Variants in KIAA1671 observed in about 807,000 individuals in gnomAD.
KIAA1671 encodes the protein KIAA1671.
KIAA1671 carries 52 observed loss-of-function variants against 131.2 expected under a neutral mutation model. That is an observed-to-expected ratio of 0.40 (90% CI 0.32 to 0.50). The LOEUF (loss-of-function observed/expected upper bound fraction) is 0.50. Among genes scored for constraint, KIAA1671 ranks in the 20% least tolerant of loss-of-function variants. The pLI, the probability that KIAA1671 is intolerant of heterozygous loss-of-function variation, is 0.73. For missense variants in KIAA1671, 2,360 were observed against 2,364.2 expected (o/e 1.00, Z 0.04); for synonymous variants, 1,003 against 961.6 (o/e 1.04, Z -0.80).
intron 5 of KIAA1671, among the ~76,000 whole-genome samples, chr22:25,041,983 ATCC>A (rs1345052614): frequency 6.6e-6 from 1 of 152,116 alleles, no homozygotes; most frequent in African/African-American, 2.4e-5. Flanking sequence ...GGCTCAAGTG[ATCC>A]TCCTGCCTCG....
intron 8 of KIAA1671, chr22:25,176,618 C>T (rs889182238): frequency 9.9e-5 from 15 of 152,228 alleles, no homozygotes; most frequent in African/African-American, 3.4e-4. Flanking sequence ...AGGATTCGAA[C>T]CCAGCAGGGT....
chr22:25,179,591 G>A (rs1368178971), intron 9 of KIAA1671: 3 of 1,324,120 alleles, frequency 2.3e-6, no homozygotes, highest in Non-Finnish European at 3.1e-6. Context: ...CCTGCCCAAT[G>A]CGTTGGCCTC....
intron 1 of KIAA1671, among the ~76,000 whole-genome samples, chr22:24,974,004 C>T (rs1922779116): frequency 6.6e-6 from 1 of 152,198 alleles, no homozygotes; most frequent in African/African-American, 2.4e-5. Flanking sequence ...TGCCCAGCTG[C>T]ACCTCCTTTG....
intron 6 of KIAA1671, chr22:25,058,457 G>A (rs2006738): frequency 0.74 from 113,016 of 152,064 alleles, 43,243 homozygotes; most frequent in African/African-American, 0.93. Context: ...CATGAGCCTG[G>A]CAATCTTGAA....
intron 6 of KIAA1671, chr22:25,111,911 T>G (rs968261434): frequency 2.3e-4 from 59 of 260,648 alleles, no homozygotes; most frequent in Non-Finnish European, 4.2e-4. Context: ...GTGTTGACTT[T>G]ATAACTCCGC....
At chr22:25,046,807 A>T (rs1384536891) in intron 5 of KIAA1671, among the ~76,000 whole-genome samples, 1 of 152,156 alleles carries the variant, frequency 6.6e-6, no homozygotes, top group East Asian at 1.9e-4. Flanking sequence ...ATCCTAAAAG[A>T]TATCAATGAC....
At chr22:25,103,203 C>A (rs528172498) in intron 6 of KIAA1671, among the ~76,000 whole-genome samples, 39 of 140,530 alleles carry the variant, frequency 2.8e-4, no homozygotes, top group South Asian at 1.6e-3. Context: ...CAAGTCCCCC[C>A]CCAACCGCCT....
In KIAA1671 at chr22:25,028,974, G is replaced by A; in HGVS notation, c.975G>A (p.Leu325=). ...GLERPRAASK[L]DRDCLVKAEA... is the part of the protein sequence containing the mutation. ...AGAGGCCCAGAGCAGCGTCCAAGCT[G>A]GACAGGGACTGTTTGGTCAAGGCGG... is the stretch of plus-strand genomic sequence containing the variant. The change falls in exon 3 of 13, where the codon CTG becomes CTA. Residue 325 remains leucine, a synonymous_variant. Coordinates refer to ENST00000358431, the MANE Select transcript of KIAA1671 (RefSeq NM_001145206.2). 2.6e-6 allele frequency: 4 copies of A among 1,538,210 alleles called. No individual in the cohort carries two copies. Among genetic ancestry groups the A allele is most frequent in the Non-Finnish European group, 3.5e-6 (4 of 1,141,044 alleles).
intron 6 of KIAA1671, among the ~76,000 whole-genome samples, chr22:25,070,948 C>T (rs1294622686): frequency 6.6e-6 from 1 of 152,208 alleles, no homozygotes; most frequent in African/African-American, 2.4e-5. Flanking sequence ...AAAACCAGAA[C>T]ATTTTCTGAT....
At position 25,028,461 on chromosome 22, in the gene KIAA1671, C is replaced by T. The variant is rs1199045348; in HGVS notation, c.462C>T (p.Pro154=). ...TCTTCGAAACCACCAAAAGCGGCCC[C>T]GCTCTGGGGAAGGCGGTTAGTGAGG... is the stretch of plus-strand genomic sequence containing the variant. ...MILFETTKSG[P]ALGKAVSEGA... The change falls in exon 3 of 13, where the codon CCC becomes CCT. Residue 154 remains proline (P), a synonymous_variant. Transcript: ENST00000358431. 11 of 1,550,282 alleles carry T rather than the reference C, an allele frequency of 7.1e-6. 1 individual carries two copies. The highest frequency in any genetic ancestry group is 3.6e-5 in the South Asian group (3 of 83,858).
chr22:25,149,511 C>G (rs1032739757), intron 6 of KIAA1671, among the ~76,000 whole-genome samples: 27 of 152,156 alleles, frequency 1.8e-4, no homozygotes, highest in African/African-American at 6.5e-4. Context: ...GCTCTCCTTC[C>G]TGCCCTGTCC....
chr22:24,960,912 T>C (rs1257433798), intron 1 of KIAA1671, among the ~76,000 whole-genome samples: 1 of 152,202 alleles, frequency 6.6e-6, no homozygotes, highest in Non-Finnish European at 1.5e-5. Flanking sequence ...TGTTTGGCTG[T>C]CTCTTGTCTT....
At chr22:25,115,869 C>A (rs922183329) in intron 6 of KIAA1671, among the ~76,000 whole-genome samples, 5 of 152,024 alleles carry the variant, frequency 3.3e-5, no homozygotes, top group Non-Finnish European at 5.9e-5. Flanking sequence ...CTCCACCTCC[C>A]AGGTTCAAGT....
intron 11 of KIAA1671, among the ~76,000 whole-genome samples, chr22:25,189,126 CTTTTTTTTTTT>C (rs200226589): frequency 8.7e-6 from 1 of 114,886 alleles, no homozygotes; most frequent in Non-Finnish European, 1.8e-5. Context: ...CAGTCTTTTT[CTTTTTTTTTTT>C]TTTTTTTTGT....
chr22:24,976,140 C>T (rs1922898184), intron 1 of KIAA1671, among the ~76,000 whole-genome samples: 1 of 152,232 alleles, frequency 6.6e-6, no homozygotes, highest in Admixed American at 6.5e-5. Flanking sequence ...GGCCCTGCTG[C>T]AGCTGGGAAC....
intron 6 of KIAA1671, among the ~76,000 whole-genome samples, chr22:25,155,960 A>ATT (rs1437576037): frequency 7.5e-6 from 1 of 133,060 alleles, no homozygotes; most frequent in Non-Finnish European, 1.6e-5. Context: ...ACACATATAT[A>ATT]TGTATGTGTG....
At position 25,070,309 on chromosome 22, in the gene KIAA1671, G is replaced by A. The variant is rs149122166; in HGVS notation, c.4530+20945G>A. The A allele has an allele frequency of 8.0e-4, 335 of 420,652 alleles. 1 individual carries two copies. The highest frequency in any genetic ancestry group is 6.2e-3 in the African/African-American group (304 of 48,900). 26.1% of individuals were successfully genotyped at this position (420,652 alleles called of 1,614,324 possible). On this transcript the variant is annotated intron_variant, in intron 6 of 12. Transcript: ENST00000358431. ...GACAGGAGTGAGAAGAGCCGCTCCC[G>A]CTAGAGGAAAGCTGGAAACCGTACT...
At chr22:24,973,389 G>GT (rs57519039) in intron 1 of KIAA1671, among the ~76,000 whole-genome samples, 31,297 of 71,340 alleles carry the variant, frequency 0.44, 10,951 homozygotes, top group Non-Finnish European at 0.56. Context: ...GCATATGATG[G>GT]TTTTTTTTTT....
At chr22:25,092,249 A>C (rs1930059998) in intron 6 of KIAA1671, among the ~76,000 whole-genome samples, 1 of 152,216 alleles carries the variant, frequency 6.6e-6, no homozygotes, top group Non-Finnish European at 1.5e-5. Context: ...CGTGACTGGA[A>C]TAAAATTTGG....
Sources: gnomAD v4.1 joint callset for allele counts (sites outside exome capture counted in the v4.1 genomes callset) on GRCh38, gnomAD v4.1.1 for gene constraint, MANE v1.5 for transcripts, NCBI Gene and HGNC (gene_info 2026-07-23, HGNC 2026-07-21) for gene names.